RBFOX1: variants seen among roughly 807,000 people sequenced by gnomAD.
RBFOX1 encodes the protein RNA binding protein fox-1 homolog 1.
A neutral mutation model predicts 57.7 loss-of-function variants in RBFOX1; 8 were observed. The ratio of observed to expected loss-of-function variants is 0.14; its 90% CI spans 0.08 to 0.25. The LOEUF is 0.25. Ranked by LOEUF, RBFOX1 falls within the 10% of genes least tolerant of loss-of-function variation. The pLI is 1.00. For synonymous variants in RBFOX1, 326 were observed against 222.4 expected (o/e 1.47, Z -4.15); for missense variants, 611 against 548.5 (o/e 1.11, Z -1.14).
intron 4 of RBFOX1, among the ~76,000 whole-genome samples, chr16:7,062,258 C>G (rs554298066): frequency 7.7e-5 from 10 of 130,372 alleles, no homozygotes; most frequent in Non-Finnish European, 1.5e-4. Context: ...CATGAGGTTG[C>G]AGTGAGCCGA....
chr16:7,429,074 T>C (rs1007639447), intron 4 of RBFOX1, among the ~76,000 whole-genome samples: 1 of 152,154 alleles, frequency 6.6e-6, no homozygotes, highest in African/African-American at 2.4e-5. Flanking sequence ...AATGAATGTG[T>C]GGAAGTGGAG....
At chr16:5,799,128 G>T (rs865940861) in intron 3 of RBFOX1, among the ~76,000 whole-genome samples, 2 of 152,064 alleles carry the variant, frequency 1.3e-5, no homozygotes, top group Non-Finnish European at 2.9e-5. Flanking sequence ...CAGGTGAAAG[G>T]CACATCTTAC....
chr16:7,661,220 T>C (rs2067637998), intron 12 of RBFOX1, among the ~76,000 whole-genome samples: 1 of 152,224 alleles, frequency 6.6e-6, no homozygotes, highest in African/African-American at 2.4e-5. Flanking sequence ...TAAAGATAGA[T>C]CACTCGTCCT....
chr16:7,518,054 G>A (rs769179492), intron 4 of RBFOX1, 93 bp from the exon 5 acceptor site: 38 of 1,470,466 alleles, frequency 2.6e-5, no homozygotes, highest in Non-Finnish European at 3.3e-5. Flanking sequence ...GAAAGTACGC[G>A]GGGCACGATC....
intron 2 of RBFOX1, among the ~76,000 whole-genome samples, chr16:6,488,517 C>T (rs1168390831): frequency 6.6e-6 from 1 of 152,084 alleles, no homozygotes. Context: ...GTAGGTATTA[C>T]CATGCCTAAT....
intron 5 of RBFOX1, among the ~76,000 whole-genome samples, chr16:7,542,348 C>A (rs984154126): frequency 7.2e-5 from 11 of 152,144 alleles, no homozygotes; most frequent in African/African-American, 2.7e-4. Context: ...TACGCCAGAC[C>A]CGTAACTTCC....
intron 2 of RBFOX1, among the ~76,000 whole-genome samples, chr16:5,491,665 C>G (rs1019025483): frequency 6.6e-6 from 1 of 152,218 alleles, no homozygotes; most frequent in Non-Finnish European, 1.5e-5. Flanking sequence ...GCACCAGGAG[C>G]TGGCCCAGCA....
chr16:6,311,607 T>G (rs572153177), intron 1 of RBFOX1, among the ~76,000 whole-genome samples: 1 of 152,280 alleles, frequency 6.6e-6, no homozygotes. Context: ...ACAGTAACAT[T>G]ACGTATTGCT....
intron 4 of RBFOX1, among the ~76,000 whole-genome samples, chr16:7,101,914 C>G (rs183236046): frequency 1.3e-5 from 2 of 152,046 alleles, no homozygotes; most frequent in East Asian, 3.9e-4. Context: ...CAGGTGTTTA[C>G]GAGGATTGAA....
intron 14 of RBFOX1, among the ~76,000 whole-genome samples, chr16:7,695,890 T>C (rs964649102): frequency 6.6e-6 from 1 of 152,138 alleles, no homozygotes; most frequent in African/African-American, 2.4e-5. Context: ...ACTGAAATTC[T>C]TATAAAGAGG....
intron 5 of RBFOX1, among the ~76,000 whole-genome samples, chr16:7,551,837 A>G (rs1014914213): frequency 3.9e-5 from 6 of 152,142 alleles, no homozygotes; most frequent in African/African-American, 1.4e-4. Flanking sequence ...TCTTTTTCCA[A>G]CATACTACGG....
chr16:7,265,957 GGTTTTT>G lies in RBFOX1; in HGVS notation c.27+213866_27+213871del, dbSNP rs1179911346. On this transcript the variant is annotated intron_variant, in intron 4 of 15. Coordinates refer to ENST00000550418, the MANE Select transcript of RBFOX1 (RefSeq NM_018723.4). ...AGTGAGTGAGTTATGAGATCTGGTG[GGTTTTT>G]GTTTTTTTTTTTTTTTTTTTTTTTT... 1.9e-4 allele frequency among the ~76,000 whole-genome samples: 24 copies of G among 128,370 alleles called. 4 individuals carry two copies. The highest frequency in any genetic ancestry group is 8.5e-4 in the African/African-American group (24 of 28,248). The allele number at this position is 128,370 out of a possible 152,430, so 84.2% of individuals were successfully genotyped here. A position where few individuals can be genotyped will look rare whatever the true frequency, so the allele number is the denominator to read the frequency against.
chr16:7,078,192 A>G (rs1055277594), intron 4 of RBFOX1, among the ~76,000 whole-genome samples: 4 of 152,158 alleles, frequency 2.6e-5, no homozygotes, highest in African/African-American at 9.7e-5. Context: ...CAGAAGAAGG[A>G]GAAAGGAGCA....
intron 2 of RBFOX1, among the ~76,000 whole-genome samples, chr16:6,591,567 C>T (rs1382576720): frequency 6.6e-6 from 1 of 152,122 alleles, no homozygotes; most frequent in Non-Finnish European, 1.5e-5. Context: ...GGAGAGGAGA[C>T]CATTTATGCA....
intron 3 of RBFOX1, among the ~76,000 whole-genome samples, chr16:6,819,958 C>T (rs941340132): frequency 1.3e-5 from 2 of 152,122 alleles, no homozygotes; most frequent in African/African-American, 4.8e-5. Context: ...TATTTTCACT[C>T]ATCCTCTGGC....
intron 1 of RBFOX1, among the ~76,000 whole-genome samples, chr16:5,300,706 T>C (rs935569426): frequency 6.6e-6 from 1 of 152,330 alleles, no homozygotes; most frequent in African/African-American, 2.4e-5. Context: ...TTTCATATTT[T>C]CTAGTTGCTT....
intron 3 of RBFOX1, among the ~76,000 whole-genome samples, chr16:6,972,264 C>T (rs1003127390): frequency 6.6e-6 from 1 of 152,080 alleles, no homozygotes. Context: ...TCCCTCTCCC[C>T]AGCCCCTGGT....
chr16:6,568,075 G>T (rs1411805670), intron 2 of RBFOX1, among the ~76,000 whole-genome samples: 2 of 152,154 alleles, frequency 1.3e-5, no homozygotes, highest in Non-Finnish European at 2.9e-5. Flanking sequence ...ACTATTTAAG[G>T]TCTTTGACAG....
intron 14 of RBFOX1, among the ~76,000 whole-genome samples, chr16:7,703,481 C>G (rs915835712): frequency 2.0e-5 from 3 of 152,136 alleles, no homozygotes; most frequent in Admixed American, 2.0e-4. Context: ...GGAGATGATA[C>G]TAATGGAAGA....
Sources: gnomAD v4.1 joint callset for allele counts (sites outside exome capture counted in the v4.1 genomes callset) on GRCh38, gnomAD v4.1.1 for gene constraint, MANE v1.5 for transcripts, NCBI Gene and HGNC (gene_info 2026-07-23, HGNC 2026-07-21) for gene names.